CDYL: variants seen among roughly 807,000 people sequenced by gnomAD.
CDYL encodes chromodomain Y like.
A neutral mutation model predicts 47.3 loss-of-function variants in CDYL; 8 were observed. The observed-to-expected ratio is 0.17, with a 90% confidence interval of 0.10 to 0.31. The LOEUF is 0.31. Among genes scored for constraint, CDYL ranks in the 10% least tolerant of loss-of-function variants. The pLI, the probability that CDYL is intolerant of heterozygous loss-of-function variation, is 1.00. For synonymous variants in CDYL, 266 were observed against 265.0 expected (o/e 1.00, Z -0.04); for missense variants, 471 against 701.4 (o/e 0.67, Z 3.71).
At chr6:4,728,853 A>G in intron 2 of CDYL, among the ~76,000 whole-genome samples, 1 of 152,188 alleles carries the variant, frequency 6.6e-6, no homozygotes, top group East Asian at 1.9e-4. Flanking sequence ...CTGAAGTGGA[A>G]CAATGACTTC....
intron 3 of CDYL, among the ~76,000 whole-genome samples, chr6:4,753,786 C>T (rs1296847354): frequency 2.0e-5 from 3 of 152,184 alleles, no homozygotes; most frequent in Non-Finnish European, 4.4e-5. Flanking sequence ...TCAGGAGAAA[C>T]CTGGCTTCTA....
At chr6:4,765,022 T>G (rs1188187725) in intron 3 of CDYL, among the ~76,000 whole-genome samples, 1 of 151,562 alleles carries the variant, frequency 6.6e-6, no homozygotes, top group Non-Finnish European at 1.5e-5. Context: ...TTCACTACAA[T>G]GTTATTAAGC....
intron 3 of CDYL, among the ~76,000 whole-genome samples, chr6:4,752,836 A>ATGTGTGTGTGTGTG (rs35686534): frequency 2.8e-4 from 42 of 148,856 alleles, no homozygotes; most frequent in African/African-American, 1.0e-3. Context: ...AAGGAAAATA[A>ATGTGTGTGTGTGTG]TGTGTGTGTG....
At chr6:4,892,512 G>A (rs890303219) in intron 2 of CDYL, 133 bp downstream of exon 2, 8 of 941,412 alleles carry the variant, frequency 8.5e-6, no homozygotes, top group African/African-American at 1.7e-5. Flanking sequence ...CAGAGATTTC[G>A]CCTTCTCCTT....
intron 1 of CDYL, among the ~76,000 whole-genome samples, chr6:4,849,938 G>A (rs1324289390): frequency 1.3e-5 from 2 of 150,226 alleles, no homozygotes; most frequent in Non-Finnish European, 3.0e-5. Context: ...GGGGGAAAGG[G>A]TGGGGAGGGA....
chr6:4,936,101 C>T (rs927334853), intron 3 of CDYL, among the ~76,000 whole-genome samples: 6 of 152,214 alleles, frequency 3.9e-5, no homozygotes, highest in African/African-American at 1.4e-4. Context: ...CATGAAGGCA[C>T]GTGGGAAATG....
At chr6:4,789,863 A>G (rs183386117) in intron 1 of CDYL, among the ~76,000 whole-genome samples, 2 of 152,262 alleles carry the variant, frequency 1.3e-5, no homozygotes, top group African/African-American at 2.4e-5. Flanking sequence ...CCTGTTCTTA[A>G]TGAAAGACAT....
intron 2 of CDYL, among the ~76,000 whole-genome samples, chr6:4,898,508 A>G (rs548868098): frequency 2.0e-5 from 3 of 152,308 alleles, no homozygotes; most frequent in African/African-American, 7.2e-5. Context: ...TACACAAGGA[A>G]AGGGTCCAGA....
In CDYL at chr6:4,729,080, A is replaced by G. The variant is rs193102863; in HGVS notation, c.104-5682A>G. Among the ~76,000 whole-genome samples the G allele has an allele frequency of 1.3e-4, 20 of 152,186 alleles. No individual in the cohort carries two copies. The East Asian group carries it at 3.5e-3, about 26-fold the overall frequency. ...CTTATTTAATGTCTTCTCTCTGCCT[A>G]CTCAGCCCAGTGTGGTAGTCAGGCA... On this transcript the variant is annotated intron_variant, in intron 2 of 8. Transcript: ENST00000328908.
chr6:4,755,076 T>G (rs1380402126), intron 3 of CDYL, among the ~76,000 whole-genome samples: 2 of 152,138 alleles, frequency 1.3e-5, no homozygotes, highest in African/African-American at 4.8e-5. Context: ...GTTTTGTTTT[T>G]GAGACAGAAT....
intron 1 of CDYL, among the ~76,000 whole-genome samples, chr6:4,707,340 C>T (rs893650790): frequency 3.3e-5 from 5 of 152,136 alleles, no homozygotes; most frequent in Admixed American, 3.3e-4. Flanking sequence ...CAGTGGCGTA[C>T]AGTCTTGGCC....
chr6:4,734,534 G>C (rs1757666516), intron 2 of CDYL, among the ~76,000 whole-genome samples: 3 of 152,202 alleles, frequency 2.0e-5, no homozygotes, highest in African/African-American at 7.2e-5. Context: ...TGCTCTCTCT[G>C]TCTGCTTTCT....
intron 3 of CDYL, among the ~76,000 whole-genome samples, chr6:4,936,268 A>G (rs1240717340): frequency 6.6e-6 from 1 of 152,254 alleles, no homozygotes; most frequent in Non-Finnish European, 1.5e-5. Context: ...AACACACAGC[A>G]ACAGGGATTT....
At chr6:4,742,377 A>AG (rs1561833097) in intron 3 of CDYL, among the ~76,000 whole-genome samples, 1 of 151,552 alleles carries the variant, frequency 6.6e-6, no homozygotes, top group African/African-American at 2.4e-5. Flanking sequence ...AAAAAAAAAA[A>AG]AAAAGAAAAG....
At chr6:4,764,684 A>C (rs928259797) in intron 3 of CDYL, among the ~76,000 whole-genome samples, 3 of 152,242 alleles carry the variant, frequency 2.0e-5, no homozygotes, top group Admixed American at 6.5e-5. Context: ...AGATTATAAC[A>C]ATTTTAAACT....
chr6:4,751,367 G>A lies in CDYL; in HGVS notation c.186+16523G>A, dbSNP rs539803895. ...GTCAAAATCTGCCTTTTATTGAGGT[G>A]CCCAAGTGATTTGCAAGCACATTAA... On this transcript the variant is annotated intron_variant, in intron 3 of 8. Transcript: ENST00000328908. Among the ~76,000 whole-genome samples, 6 of 152,280 alleles carry A rather than the reference G, an allele frequency of 3.9e-5. No homozygotes were observed. In the East Asian group the frequency reaches 1.2e-3, roughly 29 times the overall value.
intron 3 of CDYL, among the ~76,000 whole-genome samples, chr6:4,737,440 G>A (rs1757723135): frequency 2.0e-5 from 3 of 152,024 alleles, no homozygotes. Context: ...ATCACCTGAG[G>A]TCAGGAGTTT....
intron 1 of CDYL, among the ~76,000 whole-genome samples, chr6:4,882,211 C>T (rs1761782605): frequency 6.6e-6 from 1 of 152,178 alleles, no homozygotes; most frequent in African/African-American, 2.4e-5. Flanking sequence ...GGCAAGCTCA[C>T]TTGTTAGCTT....
At chr6:4,868,884 C>G (rs1761395674) in intron 1 of CDYL, among the ~76,000 whole-genome samples, 1 of 152,114 alleles carries the variant, frequency 6.6e-6, no homozygotes, top group South Asian at 2.1e-4. Flanking sequence ...GACTCTTTTA[C>G]CATTATGAAA....
Sources: allele counts gnomAD v4.1 joint callset (sites outside exome capture counted in the v4.1 genomes callset), GRCh38; gene constraint gnomAD v4.1.1; transcripts MANE v1.5; gene names NCBI Gene and HGNC (gene_info 2026-07-23, HGNC 2026-07-21).